The following NSF variants were observed in gnomAD, a reference collection of about 807,000 sequenced individuals.
NSF encodes the protein N-ethylmaleimide sensitive factor, vesicle fusing ATPase.
In NSF, 14 loss-of-function variants were observed where a neutral mutation model predicts 50.3. The ratio of observed to expected loss-of-function variants is 0.28; its 90% CI spans 0.18 to 0.44. NSF has a LOEUF of 0.44. NSF is among the 20% of genes least tolerant of loss of function. The probability of loss-of-function intolerance (pLI) is 1.00; values close to 1 mark genes in which losing one functional copy is unlikely to be tolerated. For synonymous variants in NSF, 109 were observed against 175.7 expected, an observed-to-expected ratio of 0.62 and a Z score of 3.00; for missense variants, 218 against 504.3, an observed-to-expected ratio of 0.43 and a Z score of 5.44.
At chr17:46,729,274 G>T (rs2058924923) in intron 17 of NSF, among the ~76,000 whole-genome samples, 2 of 152,188 alleles carry the variant, frequency 1.3e-5, no homozygotes, top group South Asian at 4.1e-4. Flanking sequence ...AGAAGGCATT[G>T]AATATGTTCC....
intron 18 of NSF, among the ~76,000 whole-genome samples, chr17:46,751,001 A>G (rs1357142874): frequency 6.6e-6 from 1 of 152,140 alleles, no homozygotes; most frequent in Non-Finnish European, 1.5e-5. Flanking sequence ...GGTGAGCTCT[A>G]TTGGAAAATA....
intron 15 of NSF, among the ~76,000 whole-genome samples, chr17:46,721,097 G>C (rs763334429): frequency 8.5e-5 from 13 of 152,138 alleles, no homozygotes; most frequent in Non-Finnish European, 1.8e-4. Flanking sequence ...TAATCCCTGC[G>C]TGGCAGAGCC....
At chr17:46,732,796 C>T (rs1275028726) in intron 17 of NSF, among the ~76,000 whole-genome samples, 1 of 151,984 alleles carries the variant, frequency 6.6e-6, no homozygotes, top group Non-Finnish European at 1.5e-5. Flanking sequence ...GAGAAGAGAT[C>T]GAGAGGGGAT....
chr17:46,638,760 G>A (rs1225656883), intron 5 of NSF, among the ~76,000 whole-genome samples: 93 of 122,514 alleles, frequency 7.6e-4, no homozygotes, highest in African/African-American at 2.4e-3. Flanking sequence ...CTCCCACCTC[G>A]GCCTCCCAAA....
intron 17 of NSF, among the ~76,000 whole-genome samples, chr17:46,749,426 T>TC (rs1463051189): frequency 6.6e-6 from 1 of 152,218 alleles, no homozygotes; most frequent in Admixed American, 6.5e-5. Context: ...TCATCTTTTT[T>TC]CCCCAATTCC....
Position 46,757,263 on chromosome 17 carries a change from A to C in NSF, c.*1440A>C, listed in dbSNP as rs914232272. The C allele has an allele frequency of 3.1e-4, 47 of 152,446 alleles. No homozygotes were observed. Among genetic ancestry groups the C allele is most frequent in the Non-Finnish European group, 5.0e-4 (34 of 68,036 alleles). 9.4% of individuals were successfully genotyped at this position (152,446 alleles called of 1,614,324 possible). On this transcript the variant is annotated 3_prime_UTR_variant, in exon 21 of 21. Transcript: ENST00000398238. ...TTAAAGAAGTGGATTGTATTGTGAG[A>C]TCCTGTGATTCCTGGTGGCCAGTAT...
Position 46,757,108 on chromosome 17 carries a change from C to T in NSF, c.*1285C>T, listed in dbSNP as rs1200764038. 7.9e-5 allele frequency: 12 copies of T among 152,192 alleles called. No individual in the cohort carries two copies. Among genetic ancestry groups the T allele is most frequent in the Admixed American group, 7.9e-4 (12 of 15,278 alleles). 9.4% of individuals were successfully genotyped at this position (152,192 alleles called of 1,614,324 possible). ...GCCACAGTGGCACTTGGGTGTGGCT[C>T]CTCTGTTATTTGTCCTCATGTGAGA... On this transcript the variant is annotated 3_prime_UTR_variant, in exon 21 of 21. Coordinates refer to ENST00000398238, the MANE Select transcript of NSF (RefSeq NM_006178.4).
At chr17:46,721,823 T>C in intron 15 of NSF, 1 of 1,597,412 alleles carries the variant, frequency 6.3e-7, no homozygotes, top group Non-Finnish European at 8.6e-7. Context: ...CCTGGGACAC[T>C]TTTGCTTATT....
rs568873160 is a variant in NSF, at chr17:46,602,755, G to A, written c.12+11968G>A. On this transcript the variant is annotated intron_variant, in intron 1 of 20. Coordinates refer to ENST00000398238, the MANE Select transcript of NSF (RefSeq NM_006178.4). Reference sequence around the variant, plus strand: ...TCAAATTTTTAAATTTAATTATCCTGACTATTTTTCTCCTAGAGAATAATA... The same window carrying A: ...TCAAATTTTTAAATTTAATTATCCTAACTATTTTTCTCCTAGAGAATAATA... Among the ~76,000 whole-genome samples the A allele has an allele frequency of 3.0e-4, 45 of 147,720 alleles. 6 individuals are homozygous for A. Among genetic ancestry groups the A allele is most frequent in the African/African-American group, 1.0e-3 (39 of 38,986 alleles).
chr17:46,757,406 G>GA lies in NSF; in HGVS notation c.*1589dup, dbSNP rs2059244161. 6.6e-6 allele frequency: 1 copy of GA among 152,488 alleles called. No individual in the cohort carries two copies. Among genetic ancestry groups the GA allele is most frequent in the Non-Finnish European group, 1.5e-5 (1 of 68,010 alleles). 9.4% of individuals were successfully genotyped at this position (152,488 alleles called of 1,614,324 possible). ...TTTGTGTTTTGTCCAAAACTGTATT[G>GA]AAAAAATATTGTTTAATGCAAATGA... On this transcript the variant is annotated 3_prime_UTR_variant, in exon 21 of 21. Coordinates refer to ENST00000398238, the MANE Select transcript of NSF (RefSeq NM_006178.4).
intron 14 of NSF, among the ~76,000 whole-genome samples, 191 bp downstream of exon 14, chr17:46,711,310 T>C (rs952958855): frequency 6.6e-6 from 1 of 152,210 alleles, no homozygotes; most frequent in African/African-American, 2.4e-5. Flanking sequence ...AGAATGTTAG[T>C]GAGGAAAGAT....
chr17:46,741,908 G>A (rs999679430), intron 17 of NSF, among the ~76,000 whole-genome samples: 1 of 152,190 alleles, frequency 6.6e-6, no homozygotes, highest in Non-Finnish European at 1.5e-5. Context: ...TGGGATTACA[G>A]GCATGTGCCA....
At chr17:46,712,699 G>A (rs1264828528) in intron 14 of NSF, among the ~76,000 whole-genome samples, 1 of 152,194 alleles carries the variant, frequency 6.6e-6, no homozygotes, top group African/African-American at 2.4e-5. Flanking sequence ...ATCACTTACA[G>A]TGAGGGTGTG....
rs1453900179 is a variant in NSF at position 46,709,506 on chromosome 17, T to C, written c.1471-1457T>C. On this transcript the variant is annotated intron_variant, in intron 13 of 20. Coordinates refer to ENST00000398238, the MANE Select transcript of NSF (RefSeq NM_006178.4). ...AGCCAGCCTATAATTTTTTTTTTTTTTTAAATGAGATGGAGTCTTGCTGTG... is the reference window on the plus strand; with the variant it reads ...AGCCAGCCTATAATTTTTTTTTTTTCTTAAATGAGATGGAGTCTTGCTGTG... 5.9e-5 allele frequency among the ~76,000 whole-genome samples: 9 copies of C among 151,958 alleles called. No individual in the cohort carries two copies. In the East Asian group the frequency reaches 1.7e-3, roughly 29 times the overall value.
At chr17:46,600,067 C>T (rs1454875752) in intron 1 of NSF, among the ~76,000 whole-genome samples, 2 of 24,950 alleles carry the variant, frequency 8.0e-5, no homozygotes, top group Non-Finnish European at 1.3e-4. Flanking sequence ...GAGCAATCTT[C>T]CTGCTTCAGC....
intron 15 of NSF, among the ~76,000 whole-genome samples, chr17:46,725,381 G>C (rs2058877674): frequency 6.6e-6 from 1 of 152,098 alleles, no homozygotes; most frequent in South Asian, 2.1e-4. Flanking sequence ...GGGTAATTAG[G>C]GGGTAAAGGG....
chr17:46,655,877 A>G (rs1265224489), intron 8 of NSF, among the ~76,000 whole-genome samples: 1 of 91,564 alleles, frequency 1.1e-5, no homozygotes, highest in Non-Finnish European at 2.0e-5. Context: ...AAAAGATCGA[A>G]CCCTTTTTTT....
chr17:46,727,356 AT>A (rs1390180423), intron 16 of NSF, among the ~76,000 whole-genome samples: 1 of 152,174 alleles, frequency 6.6e-6, no homozygotes, highest in Non-Finnish European at 1.5e-5. Flanking sequence ...ACATAAATTC[AT>A]TACAACAATG....
chr17:46,710,006 A>G (rs1348203677), intron 13 of NSF, among the ~76,000 whole-genome samples: 1 of 152,250 alleles, frequency 6.6e-6, no homozygotes, highest in African/African-American at 2.4e-5. Context: ...AGATCACTGG[A>G]TACTGTTTCA....
Sources: allele counts gnomAD v4.1 joint callset (sites outside exome capture counted in the v4.1 genomes callset), GRCh38; gene constraint gnomAD v4.1.1; transcripts MANE v1.5; gene names NCBI Gene and HGNC (gene_info 2026-07-23, HGNC 2026-07-21).